PARK7: variants seen among roughly 807,000 people sequenced by gnomAD.
PARK7 encodes Parkinson disease protein 7.
PARK7 carries 14 observed loss-of-function variants against 20.5 expected under a neutral mutation model. That is an observed-to-expected ratio of 0.68 (90% CI 0.45 to 1.07). The LOEUF is 1.07. Ranked by LOEUF, PARK7 falls within the 50% of genes least tolerant of loss-of-function variation. PARK7 has a pLI of 0.00. For missense variants in PARK7, 234 were observed against 238.1 expected (o/e 0.98, Z 0.11); for synonymous variants, 98 against 84.3 (o/e 1.16, Z -0.89).
At chr1:7,983,129 A>AT (rs1207001688) in intron 6 of PARK7, 1 of 152,124 alleles carries the variant, frequency 6.6e-6, no homozygotes, top group African/African-American at 2.4e-5. Flanking sequence ...TTTCAGATGA[A>AT]TTTTTCTGCG....
intron 6 of PARK7, among the ~76,000 whole-genome samples, chr1:7,979,915 G>A (rs1424610260): frequency 6.6e-6 from 1 of 152,122 alleles, no homozygotes; most frequent in Non-Finnish European, 1.5e-5. Flanking sequence ...CCAGCACTTG[G>A]GGAGGCCGGT....
chr1:7,965,343 G>A lies in PARK7; in HGVS notation c.110G>A (p.Gly37Asp). 6.2e-7 allele frequency: 1 copy of A among 1,614,030 alleles called. No homozygotes were observed. The highest frequency in any genetic ancestry group is 8.5e-7 in the Non-Finnish European group (1 of 1,180,004). ...RRAGIKVTVA[G>D]LAGKDPVQCS... ...TCGTAGATTAAGGTCACCGTTGCAG[G>A]CCTGGCTGGAAAAGACCCAGTACAG... Residue 37 changes from glycine to aspartate, a missense_variant, in exon 3 of 7, where the codon GGC (glycine) becomes GAC (aspartate). Coordinates refer to ENST00000338639, the MANE Select transcript of PARK7 (RefSeq NM_007262.5).
intron 5 of PARK7, among the ~76,000 whole-genome samples, chr1:7,974,456 T>C (rs977259527): frequency 6.6e-6 from 1 of 151,800 alleles, no homozygotes; most frequent in Non-Finnish European, 1.5e-5. Context: ...GGTGAAACCC[T>C]GTCTCTCCTA....
chr1:7,984,900 A>G lies in PARK7; in HGVS notation c.416A>G (p.Tyr139Cys). Residue 139 changes from tyrosine (Y) to cysteine (C), a missense_variant, in exon 7 of 7, where the codon TAC becomes TGC. Tyr to Cys is a radical substitution (Grantham distance 194). Transcript: ENST00000338639. The surrounding 1 kb of genome is among the most constrained non-coding windows in gnomAD (Gnocchi z 4.3). ...AKDKMMNGGH[Y>C]TYSENRVEKD... ...TTCTGTTTCTACTTTGCAGGTCATTACACCTACTCTGAGAATCGTGTGGAA... is the reference window on the plus strand; with the variant it reads ...TTCTGTTTCTACTTTGCAGGTCATTGCACCTACTCTGAGAATCGTGTGGAA... 1 of 1,614,178 alleles carries G rather than the reference A, an allele frequency of 6.2e-7. No homozygotes were observed. The highest frequency in any genetic ancestry group is 8.5e-7 in the Non-Finnish European group (1 of 1,180,034).
chr1:7,965,457 A>C, intron 3 of PARK7, 32 bp downstream of exon 3: 1 of 1,563,102 alleles, frequency 6.4e-7, no homozygotes, highest in Non-Finnish European at 8.8e-7. Context: ...TTATTCCTTC[A>C]TATGGCTTCT....
At chr1:7,962,439 G>A (rs995613475) in intron 1 of PARK7, among the ~76,000 whole-genome samples, 3 of 152,156 alleles carry the variant, frequency 2.0e-5, no homozygotes, top group Non-Finnish European at 4.4e-5. Flanking sequence ...AAATGCAGGA[G>A]ACCCACGTAC....
At chr1:7,977,493 C>T (rs747023669) in intron 5 of PARK7, among the ~76,000 whole-genome samples, 159 bp from the exon 6 acceptor site, 2 of 152,080 alleles carry the variant, frequency 1.3e-5, no homozygotes, top group Non-Finnish European at 2.9e-5. Context: ...CTGTGTTGCC[C>T]AGGCTGATGT....
intron 1 of PARK7, 183 bp downstream of exon 1, chr1:7,961,976 G>C (rs1219791468): frequency 6.6e-6 from 1 of 152,254 alleles, no homozygotes; most frequent in Non-Finnish European, 1.5e-5. Context: ...GGATTTGACT[G>C]ACCGCCAGCG....
chr1:7,962,779 C>T lies in PARK7; in HGVS notation c.-7C>T, dbSNP rs770994769. The stretch of plus-strand genomic sequence containing the variant: ...TTTTTTAAGGCTTGTAAACATATAA[C>T]ATAAAAATGGCTTCCAAAAGAGCTC... On this transcript the variant is annotated 5_prime_UTR_variant, in exon 2 of 7. Coordinates refer to ENST00000338639, the MANE Select transcript of PARK7 (RefSeq NM_007262.5). The T allele has an allele frequency of 4.6e-6, 5 of 1,097,456 alleles. No homozygotes were observed. Among genetic ancestry groups the T allele is most frequent in the East Asian group, 2.9e-5 (1 of 34,762 alleles). The allele number at this position is 1,097,456 out of a possible 1,614,324, so 68.0% of individuals were successfully genotyped here.
chr1:7,984,487 G>A lies in PARK7; in HGVS notation c.410-407G>A, dbSNP rs1400211105. On this transcript the variant is annotated intron_variant, in intron 6 of 6. Transcript: ENST00000338639. The surrounding 1 kb of genome is among the most constrained non-coding windows in gnomAD (Gnocchi z 4.3). ...TTGTTTTTGAGGCATCAGAGGGTGT[G>A]CGTGCCGCCACATGTTGATTGGGGT... Among the ~76,000 whole-genome samples, 10 of 152,324 alleles carry A rather than the reference G, an allele frequency of 6.6e-5. No individual in the cohort carries two copies. The East Asian group carries it at 1.7e-3, about 26-fold the overall frequency.
chr1:7,980,183 A>G (rs1201585637), intron 6 of PARK7, among the ~76,000 whole-genome samples: 3 of 148,964 alleles, frequency 2.0e-5, no homozygotes, highest in Non-Finnish European at 4.5e-5. Context: ...AAAAATTGGT[A>G]CTTTTTAATA....
chr1:7,966,379 A>C (rs1162336232), intron 3 of PARK7, among the ~76,000 whole-genome samples: 3 of 151,770 alleles, frequency 2.0e-5, no homozygotes, highest in Non-Finnish European at 2.9e-5. Context: ...GATTTGTTGA[A>C]ACAAATTAAA....
intron 2 of PARK7, among the ~76,000 whole-genome samples, chr1:7,963,939 C>T (rs553470279): frequency 6.6e-6 from 1 of 151,794 alleles, no homozygotes; most frequent in East Asian, 2.0e-4. Flanking sequence ...CCTCAGCCTC[C>T]CAAGTAGCTG....
chr1:7,971,023 C>T lies in PARK7; in HGVS notation c.322+60C>T, dbSNP rs375519393. ...TTGGTGGGTGGGGTAGCCTTTCATTCGATGGTTTGATTCCAAATAGCTCTT... is the reference window on the plus strand; with the variant it reads ...TTGGTGGGTGGGGTAGCCTTTCATTTGATGGTTTGATTCCAAATAGCTCTT... On this transcript the variant is annotated intron_variant, in intron 5 of 6. Coordinates refer to ENST00000338639, the MANE Select transcript of PARK7 (RefSeq NM_007262.5). 51 of 1,558,484 alleles carry T rather than the reference C, an allele frequency of 3.3e-5. No individual in the cohort carries two copies. In the African/African-American group the frequency reaches 4.1e-4, roughly 12 times the overall value.
At chr1:7,970,274 A>C (rs960775629) in intron 4 of PARK7, among the ~76,000 whole-genome samples, 4 of 152,228 alleles carry the variant, frequency 2.6e-5, no homozygotes, top group Non-Finnish European at 4.4e-5. Context: ...AATACAGTCC[A>C]AAGTAAGATG....
chr1:7,974,002 T>A (rs1640519834), intron 5 of PARK7, among the ~76,000 whole-genome samples: 1 of 151,870 alleles, frequency 6.6e-6, no homozygotes, highest in Non-Finnish European at 1.5e-5. Context: ...CTTATAGTAC[T>A]TTAAATCAAC....
intron 2 of PARK7, 40 bp downstream of exon 2, chr1:7,962,915 T>A: frequency 1.3e-6 from 2 of 1,496,922 alleles, no homozygotes; most frequent in East Asian, 2.3e-5. Context: ...CTGTTTTAAA[T>A]GTTTTTGGAT....
chr1:7,983,312 C>G (rs1640750512), intron 6 of PARK7, among the ~76,000 whole-genome samples: 1 of 152,220 alleles, frequency 6.6e-6, no homozygotes, highest in African/African-American at 2.4e-5. Flanking sequence ...AGCAGGAGTT[C>G]ACAGAGGAGC....
chr1:7,981,293 G>A (rs189010619), intron 6 of PARK7, among the ~76,000 whole-genome samples: 19 of 152,320 alleles, frequency 1.2e-4, no homozygotes, highest in Non-Finnish European at 2.8e-4. Flanking sequence ...CCTAGCTTCT[G>A]TAACGCCACT....
Sources: allele counts gnomAD v4.1 joint callset (sites outside exome capture counted in the v4.1 genomes callset), GRCh38; gene constraint gnomAD v4.1.1; non-coding constraint Gnocchi (gnomAD v3.1); transcripts MANE v1.5; gene names NCBI Gene and HGNC (gene_info 2026-07-23, HGNC 2026-07-21).